STRA6: variants seen among roughly 807,000 people sequenced by gnomAD.
The protein encoded by STRA6 is receptor for retinol uptake STRA6.
STRA6 carries 48 observed loss-of-function variants against 83.6 expected under a neutral mutation model. The observed-to-expected ratio is 0.57, with a 90% CI of 0.46 to 0.73. The LOEUF (loss-of-function observed/expected upper bound fraction) is 0.73, where lower values mean the gene tolerates loss of function less well. Among genes scored for constraint, STRA6 ranks in the 30% least tolerant of loss-of-function variants. STRA6 has a pLI of 0.00. For synonymous variants in STRA6, 353 were observed against 362.3 expected (o/e 0.97, Z 0.29); for missense variants, 760 against 838.8 (o/e 0.91, Z 1.16).
At chr15:74,189,417 G>C (rs1355384900) in intron 11 of STRA6, 140 bp from the exon 12 acceptor site, 23 of 1,285,100 alleles carry the variant, frequency 1.8e-5, no homozygotes, top group Non-Finnish European at 2.5e-5. Flanking sequence ...CTGCCCCTTA[G>C]AGCAGGGATC....
At chr15:74,197,860 C>G (rs548672721) in intron 2 of STRA6, 42 bp from the exon 3 acceptor site, 1 of 1,603,396 alleles carries the variant, frequency 6.2e-7, no homozygotes, top group African/African-American at 1.3e-5. Context: ...GCGTCAGGCC[C>G]CCCTGGGTGT....
chr15:74,205,045 C>T (rs1398815673), upstream of STRA6, among the ~76,000 whole-genome samples: 3 of 152,178 alleles, frequency 2.0e-5, no homozygotes, highest in Non-Finnish European at 4.4e-5. Context: ...AAGGCCTGCA[C>T]CAAATGGAAC....
chr15:74,210,558 T>G (rs1440142229), upstream of STRA6, among the ~76,000 whole-genome samples: 1 of 152,228 alleles, frequency 6.6e-6, no homozygotes, highest in Non-Finnish European at 1.5e-5. Flanking sequence ...GTGGTCACAC[T>G]TGGGGGAGGG....
In STRA6 at chr15:74,201,601, G is replaced by A. The variant is rs537627656; in HGVS notation, c.113+554C>T. Reference sequence around the variant, plus strand: ...GGCTGGCCTGAGCACTTCTGCTAAAGGGAATAGGCTCTCCTCATCCTCTGA... The same window carrying A: ...GGCTGGCCTGAGCACTTCTGCTAAAAGGAATAGGCTCTCCTCATCCTCTGA... On this transcript the variant is annotated intron_variant, in intron 2 of 18. Transcript: ENST00000395105. 1.2e-3 allele frequency among the ~76,000 whole-genome samples: 189 copies of A among 152,300 alleles called. 8 individuals are homozygous for A. In the South Asian group the frequency reaches 0.036, roughly 29 times the overall value.
At chr15:74,191,748 T>A in intron 8 of STRA6, 1 of 576,750 alleles carries the variant, frequency 1.7e-6, no homozygotes. Flanking sequence ...CTTCCTAAGA[T>A]CTGTCTCCAA....
At chr15:74,192,612 A>G (rs1379218554) in intron 8 of STRA6, among the ~76,000 whole-genome samples, 2 of 152,132 alleles carry the variant, frequency 1.3e-5, no homozygotes, top group Non-Finnish European at 2.9e-5. Flanking sequence ...TCCCAGGAGC[A>G]CCTGCTCCTC....
intron 8 of STRA6, chr15:74,191,899 T>C: frequency 3.0e-6 from 1 of 333,228 alleles, no homozygotes; most frequent in South Asian, 2.8e-5. Flanking sequence ...AAGAGGGTCA[T>C]TCCAGGTCAG....
chr15:74,180,693 G>A (rs1002631519), intron 18 of STRA6, 89 bp downstream of exon 18: 18 of 1,507,176 alleles, frequency 1.2e-5, no homozygotes, highest in South Asian at 4.0e-5. Flanking sequence ...TTTTCCTGGC[G>A]CTCACTCTGT....
At chr15:74,207,203 G>A (rs2074278496), upstream of STRA6, among the ~76,000 whole-genome samples, 1 of 152,194 alleles carries the variant, frequency 6.6e-6, no homozygotes, top group African/African-American at 2.4e-5. Flanking sequence ...AGGGCAAAGT[G>A]CCAAGCTTAG....
At chr15:74,210,339 G>T (rs2074349487), upstream of STRA6, among the ~76,000 whole-genome samples, 1 of 152,204 alleles carries the variant, frequency 6.6e-6, no homozygotes, top group African/African-American at 2.4e-5. Context: ...GTACTATTTT[G>T]CTGATAAAAA....
At chr15:74,198,647 C>G (rs994326533) in intron 2 of STRA6, among the ~76,000 whole-genome samples, 1 of 152,244 alleles carries the variant, frequency 6.6e-6, no homozygotes, top group Non-Finnish European at 1.5e-5. Context: ...CTGCTTCCCT[C>G]TCATTGAGAG....
At chr15:74,197,698 A>G (rs2073883504) in intron 3 of STRA6, 54 bp downstream of exon 3, 1 of 1,603,456 alleles carries the variant, frequency 6.2e-7, no homozygotes, top group Non-Finnish European at 8.5e-7. Context: ...CACAGGTCCC[A>G]CTGCCCAGGC....
upstream of STRA6, among the ~76,000 whole-genome samples, chr15:74,207,391 C>T (rs1179166104): frequency 6.6e-6 from 1 of 152,110 alleles, no homozygotes; most frequent in Non-Finnish European, 1.5e-5. Context: ...CCCAAGAAGC[C>T]CCAGACCTTC....
chr15:74,203,646 C>T (rs2074180074), upstream of STRA6, among the ~76,000 whole-genome samples: 1 of 152,232 alleles, frequency 6.6e-6, no homozygotes, highest in African/African-American at 2.4e-5. Flanking sequence ...ATTGAACACA[C>T]ACTATGTGCC....
intron 13 of STRA6, 115 bp from the exon 14 acceptor site, chr15:74,184,104 G>A (rs1382206617): frequency 1.3e-6 from 2 of 1,485,492 alleles, no homozygotes; most frequent in Non-Finnish European, 1.8e-6. Flanking sequence ...ACAGCCATCA[G>A]CAGGGAAGCC....
At position 74,180,942 on chromosome 15, in the gene STRA6, G is replaced by T. The variant is rs201730717; in HGVS notation, c.1685-5C>A. On this transcript the variant is annotated splice_polypyrimidine_tract_variant and splice_region_variant and intron_variant, in intron 17 of 18. Coordinates refer to ENST00000395105, the MANE Select transcript of STRA6 (RefSeq NM_022369.4). ...AGTTTCGGTACGTGTAGTAGCCTGG[G>T]GTGGGGTGGCGGATGGCAATGCTGG... 3.1e-6 allele frequency: 5 copies of T among 1,613,526 alleles called. No homozygotes were observed. Among genetic ancestry groups the T allele is most frequent in the Non-Finnish European group, 4.2e-6 (5 of 1,179,922 alleles).
chr15:74,180,043 C>T lies in STRA6; in HGVS notation c.*37G>A. 6.2e-7 allele frequency: 1 copy of T among 1,605,322 alleles called. No individual in the cohort carries two copies. Among genetic ancestry groups the T allele is most frequent in the Non-Finnish European group, 8.5e-7 (1 of 1,173,434 alleles). On this transcript the variant is annotated 3_prime_UTR_variant, in exon 19 of 19. Coordinates refer to ENST00000395105, the MANE Select transcript of STRA6 (RefSeq NM_022369.4). ...GAGGATGGTAGGCAGGAACATGCCT[C>T]AGCACAGATGGGCAGGTGGGTTGAC...
At chr15:74,195,261 T>A (rs376548753) in intron 7 of STRA6, 41 bp downstream of exon 7, 126 of 1,605,674 alleles carry the variant, frequency 7.8e-5, no homozygotes, top group Admixed American at 2.9e-4. Context: ...TAGGTTGCTC[T>A]GTGCGCCCCT....
In STRA6 at chr15:74,182,195, C is replaced by T; in HGVS notation, c.1486G>A (p.Glu496Lys). The change falls in exon 16 of 19, where the codon GAG becomes AAG. Residue 496 changes from glutamate (E) to lysine (K), a missense_variant. Physicochemically the swap from Glu to Lys is moderately conservative, Grantham distance 56 (BLOSUM62 1). Transcript: ENST00000395105. Reference protein sequence around the residue: ...QNMAAHWVFLETHDGHPQLTN... With the variant: ...QNMAAHWVFLKTHDGHPQLTN... ...AGCTGTGGGTGTCCATCATGAGTCT[C>T]CAGGAAGACCCAATGGGCTGCCATG... is the stretch of plus-strand genomic sequence containing the variant. 1 of 1,614,166 alleles carries T rather than the reference C, an allele frequency of 6.2e-7. No individual in the cohort carries two copies. Among genetic ancestry groups the T allele is most frequent in the Admixed American group, 1.7e-5 (1 of 60,022 alleles).
Sources: allele counts gnomAD v4.1 joint callset (sites outside exome capture counted in the v4.1 genomes callset), GRCh38; gene constraint gnomAD v4.1.1; transcripts MANE v1.5; gene names NCBI Gene and HGNC (gene_info 2026-07-23, HGNC 2026-07-21).